Variants in MAML2 observed in about 807,000 individuals in gnomAD.
MAML2 encodes the protein mastermind like transcriptional coactivator 2, also known as mastermind-like protein 2.
A neutral mutation model predicts 96.1 loss-of-function variants in MAML2; 22 were observed. That is an observed-to-expected ratio of 0.23 (90% CI 0.16 to 0.33). The LOEUF is 0.33. MAML2 is among the 10% of genes least tolerant of loss of function. The pLI, the probability that MAML2 is intolerant of heterozygous loss-of-function variation, is 1.00. For missense variants in MAML2, 1,367 were observed against 1,392.4 expected (o/e 0.98, Z 0.29); for synonymous variants, 561 against 521.3 (o/e 1.08, Z -1.04).
At chr11:96,200,186 AC>A (rs1861797927) in intron 1 of MAML2, among the ~76,000 whole-genome samples, 1 of 152,200 alleles carries the variant, frequency 6.6e-6, no homozygotes, top group Admixed American at 6.5e-5. Context: ...AAAAATGTAA[AC>A]ATGACCCTAA....
chr11:95,984,191 C>T (rs745640443), intron 4 of MAML2, among the ~76,000 whole-genome samples: 1 of 152,178 alleles, frequency 6.6e-6, no homozygotes, highest in Non-Finnish European at 1.5e-5. Context: ...AGGTTTGTAG[C>T]CTAGAAGCAA....
chr11:96,092,933 A>G lies in MAML2; in HGVS notation c.1098T>C (p.Ser366=). The G allele has an allele frequency of 6.2e-7, 1 of 1,610,524 alleles. No homozygotes were observed. The highest frequency in any genetic ancestry group is 1.7e-5 in the Admixed American group (1 of 59,848). The change falls in exon 2 of 5, where the codon AGT becomes AGC. Residue 366 remains serine (S), a synonymous_variant. Coordinates refer to ENST00000524717, the MANE Select transcript of MAML2 (RefSeq NM_032427.4). The surrounding 1 kb of genome is among the most constrained non-coding windows in gnomAD (Gnocchi z 4.1). The stretch of plus-strand genomic sequence containing the variant: ...CCTGAGTCAAGCCCGGTGAGTATTC[A>G]CTTTTGATCACTATTTTCTCCATGG... ...SLPMEKIVIK[S]EYSPGLTQGP...
At chr11:96,312,326 G>A (rs1863555127) in intron 1 of MAML2, among the ~76,000 whole-genome samples, 1 of 151,238 alleles carries the variant, frequency 6.6e-6, no homozygotes, top group Non-Finnish European at 1.5e-5. Context: ...GGCTGTCTCA[G>A]GCCAAGTCCT....
intron 1 of MAML2, among the ~76,000 whole-genome samples, chr11:96,160,371 T>A (rs1362210245): frequency 5.9e-5 from 9 of 152,140 alleles, no homozygotes; most frequent in Non-Finnish European, 1.3e-4. Flanking sequence ...CCAACTGTGA[T>A]ACTTACAAAT....
intron 1 of MAML2, among the ~76,000 whole-genome samples, chr11:96,230,818 T>G (rs1862283286): frequency 6.6e-6 from 1 of 152,232 alleles, no homozygotes. Flanking sequence ...GACACTTGTC[T>G]CGCTAATTAA....
intron 2 of MAML2, among the ~76,000 whole-genome samples, chr11:96,056,106 C>T (rs189966010): frequency 3.9e-5 from 6 of 152,260 alleles, no homozygotes; most frequent in South Asian, 2.1e-4. Context: ...CCCTGGAAGG[C>T]GGTTTTCATC....
chr11:96,092,549 G>T lies in MAML2; in HGVS notation c.1482C>A (p.Ser494Arg). The T allele has an allele frequency of 1.2e-6, 2 of 1,602,140 alleles. No homozygotes were observed. Among genetic ancestry groups the T allele is most frequent in the Non-Finnish European group, 1.7e-6 (2 of 1,172,236 alleles). The change falls in exon 2 of 5, where the codon AGC (serine) becomes AGA (arginine). Residue 494 changes from serine (S) to arginine (R), a missense_variant. Ser to Arg is a moderately radical substitution (Grantham distance 110). Coordinates refer to ENST00000524717, the MANE Select transcript of MAML2 (RefSeq NM_032427.4). The surrounding 1 kb of genome is among the most constrained non-coding windows in gnomAD (Gnocchi z 4.1). ...CGCCAGCTACCCCAGGCATGGGGGA[G>T]CTCTGTGGGCTGAATGTCTGCTGAC... Reference protein sequence around the residue: ...SFGQQTFSPQSSPMPGVAGGS... With the variant: ...SFGQQTFSPQRSPMPGVAGGS...
chr11:96,236,899 C>T (rs982002187), intron 1 of MAML2, among the ~76,000 whole-genome samples: 3 of 152,104 alleles, frequency 2.0e-5, no homozygotes, highest in Non-Finnish European at 4.4e-5. Context: ...CTTTTCTTTG[C>T]AAGAAAAAGA....
intron 2 of MAML2, among the ~76,000 whole-genome samples, chr11:96,019,499 A>G (rs1385976753): frequency 6.6e-6 from 1 of 152,032 alleles, no homozygotes; most frequent in Non-Finnish European, 1.5e-5. Flanking sequence ...TTTTGAATAA[A>G]ATACAGTTAG....
intron 2 of MAML2, among the ~76,000 whole-genome samples, chr11:95,997,642 A>G (rs1194765665): frequency 6.6e-6 from 1 of 152,206 alleles, no homozygotes; most frequent in African/African-American, 2.4e-5. Context: ...TGAGTTTTAG[A>G]ATCATAATCG....
intron 2 of MAML2, among the ~76,000 whole-genome samples, chr11:96,007,169 ATT>A (rs766991159): frequency 1.4e-4 from 12 of 83,550 alleles, no homozygotes; most frequent in Admixed American, 1.3e-4. Context: ...TGTCCAGTTA[ATT>A]TTTTTTTTTT....
At chr11:96,320,856 A>C (rs1036185265) in intron 1 of MAML2, among the ~76,000 whole-genome samples, 2 of 152,240 alleles carry the variant, frequency 1.3e-5, no homozygotes, top group African/African-American at 4.8e-5. Flanking sequence ...AAAACATATC[A>C]TATGACAAGG....
At chr11:96,223,880 G>C (rs780818221) in intron 1 of MAML2, among the ~76,000 whole-genome samples, 1 of 152,156 alleles carries the variant, frequency 6.6e-6, no homozygotes, top group Non-Finnish European at 1.5e-5. Context: ...TTTACAGATA[G>C]GGATAAAAGT....
chr11:96,011,444 T>C (rs147263025), intron 2 of MAML2, among the ~76,000 whole-genome samples: 1 of 152,268 alleles, frequency 6.6e-6, no homozygotes, highest in African/African-American at 2.4e-5. Flanking sequence ...TGGAGGCCAT[T>C]CTTGTAAGTG....
In MAML2 at chr11:96,211,818, T is replaced by C. The variant is rs117928063; in HGVS notation, c.514-118301A>G. On this transcript the variant is annotated intron_variant, in intron 1 of 4. Transcript: ENST00000524717. ...GTTGAGGATCTAACATTTTTCCTAATAGAAGATCAACAAAGATAAAATTCA... is the reference window on the plus strand; with the variant it reads ...GTTGAGGATCTAACATTTTTCCTAACAGAAGATCAACAAAGATAAAATTCA... Among the ~76,000 whole-genome samples the C allele has an allele frequency of 5.7e-3, 862 of 152,264 alleles. 36 individuals carry two copies. In the East Asian group the frequency reaches 0.094, roughly 17 times the overall value.
intron 1 of MAML2, among the ~76,000 whole-genome samples, chr11:96,325,097 T>C (rs769909767): frequency 2.6e-5 from 4 of 152,198 alleles, no homozygotes; most frequent in Non-Finnish European, 4.4e-5. Context: ...CCATTCATGA[T>C]TGCCATTCTT....
rs1375655426 is a variant in MAML2, at chr11:96,092,890, G to A, written c.1141C>T (p.Gln381Ter). The change falls in exon 2 of 5, where the codon CAG (glutamine) becomes TAG (stop). Residue 381 changes from glutamine to a stop codon, truncating the protein, a stop_gained. Transcript: ENST00000524717. LOFTEE classifies it high-confidence loss of function. This position sits in a 1 kb window ranked among gnomAD's most constrained non-coding sequence, Gnocchi z 4.1. ...GLTQGPSGSP[Q>*]LRPPSAGPAF... ...GGGCCAGCTGATGGGGGCCTCAGCT[G>A]AGGAGAGCCTGAGGGGCCCTGAGTC... The A allele has an allele frequency of 1.2e-6, 2 of 1,605,592 alleles. No homozygotes were observed. Among genetic ancestry groups the A allele is most frequent in the Non-Finnish European group, 1.7e-6 (2 of 1,175,640 alleles).
At chr11:96,268,180 A>C (rs1367889616) in intron 1 of MAML2, among the ~76,000 whole-genome samples, 1 of 152,198 alleles carries the variant, frequency 6.6e-6, no homozygotes, top group Admixed American at 6.5e-5. Flanking sequence ...TTAAGCATAC[A>C]TCTTAAAAAG....
intron 4 of MAML2, among the ~76,000 whole-genome samples, chr11:95,984,682 C>A (rs749110108): frequency 7.9e-5 from 12 of 152,126 alleles, no homozygotes; most frequent in Non-Finnish European, 1.5e-4. Context: ...TTAACAGTAC[C>A]AGGAAGTATT....
Sources: gnomAD v4.1 joint callset for allele counts (sites outside exome capture counted in the v4.1 genomes callset) on GRCh38, gnomAD v4.1.1 for gene constraint, Gnocchi (gnomAD v3.1) non-coding constraint, MANE v1.5 for transcripts, NCBI Gene and HGNC (gene_info 2026-07-23, HGNC 2026-07-21) for gene names.